The following DPYD variants were observed in gnomAD, a reference collection of about 807,000 sequenced individuals.
DPYD encodes the protein dihydropyrimidine dehydrogenase.
Under a neutral mutation model 116.2 loss-of-function variants are expected in DPYD, and 109 were observed. The ratio of observed to expected loss-of-function variants is 0.94; its 90% CI spans 0.80 to 1.10. The LOEUF (loss-of-function observed/expected upper bound fraction) is 1.10. DPYD is among the 50% of genes least tolerant of loss of function. The pLI is 0.00. For missense variants in DPYD, 1,302 were observed against 1,254.5 expected, an observed-to-expected ratio of 1.04 and a Z score of -0.57; for synonymous variants, 440 against 432.0, an observed-to-expected ratio of 1.02 and a Z score of -0.23.
intron 3 of DPYD, among the ~76,000 whole-genome samples, chr1:97,751,480 A>G (rs1467030799): frequency 1.0e-4 from 13 of 124,472 alleles, no homozygotes; most frequent in South Asian, 5.2e-4. Context: ...ATATATATAT[A>G]TATATATATA....
At chr1:97,908,673 T>C (rs1222857820) in intron 1 of DPYD, among the ~76,000 whole-genome samples, 2 of 152,010 alleles carry the variant, frequency 1.3e-5, no homozygotes, top group African/African-American at 4.8e-5. Context: ...TATCGCACTA[T>C]CTCTAAAAGC....
chr1:97,550,682 G>T (rs974334729), intron 11 of DPYD, among the ~76,000 whole-genome samples: 1 of 152,066 alleles, frequency 6.6e-6, no homozygotes, highest in African/African-American at 2.4e-5. Flanking sequence ...ATCTCAGACA[G>T]ACTAAGGGCC....
At chr1:97,822,784 CAT>C (rs147209667) in intron 3 of DPYD, among the ~76,000 whole-genome samples, 1,960 of 152,246 alleles carry the variant, frequency 0.013, 44 homozygotes, top group African/African-American at 0.044. Context: ...CACCAAACTG[CAT>C]TAGCAGCAAT....
chr1:97,224,999 GTCTGTCTA>G (rs368519693), intron 19 of DPYD, among the ~76,000 whole-genome samples: 7,464 of 141,824 alleles, frequency 0.053, 263 homozygotes, highest in African/African-American at 0.097. Context: ...CTATCTGTCT[GTCTGTCTA>G]TCTATCTATC....
intron 14 of DPYD, among the ~76,000 whole-genome samples, chr1:97,445,076 G>T (rs978054773): frequency 1.3e-5 from 2 of 151,974 alleles, no homozygotes; most frequent in African/African-American, 2.4e-5. Context: ...TTTTTCTCTG[G>T]CAGTTAAACA....
At chr1:97,107,807 T>A (rs1312104658) in intron 20 of DPYD, among the ~76,000 whole-genome samples, 1 of 152,140 alleles carries the variant, frequency 6.6e-6, no homozygotes. Flanking sequence ...CAAAGTTTTG[T>A]ATAAGGTAGG....
intron 14 of DPYD, among the ~76,000 whole-genome samples, chr1:97,407,111 T>C (rs1044000869): frequency 6.6e-6 from 1 of 152,144 alleles, no homozygotes; most frequent in African/African-American, 2.4e-5. Flanking sequence ...TAAACTACCT[T>C]TCTAAATTAA....
intron 1 of DPYD, among the ~76,000 whole-genome samples, 189 bp from the exon 2 acceptor site, chr1:97,883,563 T>G (rs1350250150): frequency 6.6e-6 from 1 of 151,944 alleles, no homozygotes; most frequent in Non-Finnish European, 1.5e-5. Flanking sequence ...CCTCCCACCT[T>G]AGTCTCCCAA....
intron 8 of DPYD, among the ~76,000 whole-genome samples, chr1:97,647,824 T>C (rs1341530856): frequency 2.0e-5 from 3 of 152,040 alleles, no homozygotes; most frequent in East Asian, 1.9e-4. Flanking sequence ...ACCAAAATTA[T>C]GTCCAAAAAG....
chr1:97,201,141 A>T (rs1659173525), intron 19 of DPYD, among the ~76,000 whole-genome samples: 1 of 152,228 alleles, frequency 6.6e-6, no homozygotes, highest in Non-Finnish European at 1.5e-5. Context: ...TATAATTTTC[A>T]TAAAAAGAAG....
At chr1:97,658,223 A>G (rs1439283531) in intron 8 of DPYD, among the ~76,000 whole-genome samples, 1 of 152,216 alleles carries the variant, frequency 6.6e-6, no homozygotes, top group Non-Finnish European at 1.5e-5. Flanking sequence ...ATATCTAAAT[A>G]TATATTTCCT....
chr1:97,212,909 T>C (rs1225413469), intron 19 of DPYD, among the ~76,000 whole-genome samples: 2 of 152,162 alleles, frequency 1.3e-5, no homozygotes, highest in South Asian at 4.1e-4. Context: ...CTTAGCCTGT[T>C]TGAACATGCT....
chr1:97,183,279 T>G (rs183234925), intron 20 of DPYD, among the ~76,000 whole-genome samples: 49 of 152,214 alleles, frequency 3.2e-4, no homozygotes, highest in Admixed American at 2.1e-3. Context: ...AAAATTACTT[T>G]TTTGTCCTGT....
At chr1:97,124,647 C>G (rs1024293883) in intron 20 of DPYD, among the ~76,000 whole-genome samples, 1 of 152,068 alleles carries the variant, frequency 6.6e-6, no homozygotes, top group African/African-American at 2.4e-5. Context: ...CTACTAGGCA[C>G]AAAATGTTTG....
intron 20 of DPYD, among the ~76,000 whole-genome samples, chr1:97,119,950 G>A (rs74594568): frequency 0.012 from 1,807 of 152,234 alleles, 22 homozygotes; most frequent in Non-Finnish European, 0.019. Flanking sequence ...CAGAAATGTG[G>A]CTAATTCTCA....
intron 2 of DPYD, among the ~76,000 whole-genome samples, chr1:97,877,240 C>T (rs1428911144): frequency 6.6e-6 from 1 of 151,938 alleles, no homozygotes; most frequent in Non-Finnish European, 1.5e-5. Flanking sequence ...TGAAAGATGA[C>T]TCCAAAGTCC....
chr1:97,506,188 T>C (rs893070619), intron 13 of DPYD, among the ~76,000 whole-genome samples: 40 of 152,030 alleles, frequency 2.6e-4, no homozygotes, highest in Non-Finnish European at 7.4e-5. Flanking sequence ...GGTATGCCTT[T>C]AATAAAAATC....
chr1:97,535,484 C>G (rs79328803), intron 12 of DPYD, among the ~76,000 whole-genome samples: 3 of 152,034 alleles, frequency 2.0e-5, no homozygotes, highest in Non-Finnish European at 4.4e-5. Flanking sequence ...AGATTCCCTA[C>G]GTATTGGATC....
chr1:97,466,352 G>A (rs535391945), intron 13 of DPYD, among the ~76,000 whole-genome samples: 1 of 152,242 alleles, frequency 6.6e-6, no homozygotes, highest in East Asian at 1.9e-4. Context: ...ATCATTAGAT[G>A]GTTATAAGGA....
Sources: allele counts gnomAD v4.1 joint callset (sites outside exome capture counted in the v4.1 genomes callset), GRCh38; gene constraint gnomAD v4.1.1; transcripts MANE v1.5; gene names NCBI Gene and HGNC (gene_info 2026-07-23, HGNC 2026-07-21).